The following FAM110A variants were observed in gnomAD, a reference collection of about 807,000 sequenced individuals.
FAM110A encodes the protein family with sequence similarity 110 member A.
A neutral mutation model predicts 4.0 loss-of-function variants in FAM110A; 1 was observed. That is an observed-to-expected ratio of 0.25 (90% CI 0.09 to 1.20). The LOEUF is 1.20. FAM110A is among the 50% of genes most tolerant of loss of function. FAM110A has a pLI of 0.50. For synonymous variants in FAM110A, 217 were observed against 196.8 expected (o/e 1.10, Z -0.86); for missense variants, 436 against 429.2 (o/e 1.02, Z -0.14).
intron 1 of FAM110A, among the ~76,000 whole-genome samples, chr20:841,003 A>T (rs1412910802): frequency 1.3e-5 from 2 of 152,090 alleles, no homozygotes; most frequent in African/African-American, 2.4e-5. Flanking sequence ...GTCCATCTCT[A>T]AGGTGGGTGC....
chr20:835,194 CTCTCTCTATA>C (rs759062704), intron 1 of FAM110A, among the ~76,000 whole-genome samples: 4 of 124,254 alleles, frequency 3.2e-5, no homozygotes, highest in Non-Finnish European at 6.9e-5. Flanking sequence ...CTCTCTCTCT[CTCTCTCTATA>C]TATATATATA....
intron 1 of FAM110A, among the ~76,000 whole-genome samples, chr20:839,070 G>C (rs1336543137): frequency 6.6e-6 from 1 of 152,106 alleles, no homozygotes; most frequent in Non-Finnish European, 1.5e-5. Flanking sequence ...TTCTCCCTCT[G>C]GGGTCCAGCC....
Position 844,841 on chromosome 20 carries a change from G to T in FAM110A, c.37G>T (p.Ala13Ser), listed in dbSNP as rs563377275. ...VHTLSPGAPS[A>S]PALPCRLRTR... is the part of the protein sequence containing the mutation. Reference sequence around the variant, plus strand: ...CACGCTGAGCCCCGGAGCCCCGTCCGCCCCCGCCCTACCTTGCCGCCTGCG... The same window carrying T: ...CACGCTGAGCCCCGGAGCCCCGTCCTCCCCCGCCCTACCTTGCCGCCTGCG... The change falls in exon 2 of 2, where the codon GCC becomes TCC. Residue 13 changes from alanine (A) to serine (S), a missense_variant. Transcript: ENST00000381941. 8 of 1,520,346 alleles carry T rather than the reference G, an allele frequency of 5.3e-6. No homozygotes were observed. Among genetic ancestry groups the T allele is most frequent in the African/African-American group, 2.8e-5 (2 of 71,988 alleles). The allele number at this position is 1,520,346 out of a possible 1,614,324, so 94.2% of individuals were successfully genotyped here.
intron 1 of FAM110A, among the ~76,000 whole-genome samples, chr20:837,749 A>G (rs1449198006): frequency 1.3e-5 from 2 of 152,128 alleles, no homozygotes; most frequent in Non-Finnish European, 2.9e-5. Context: ...AGGTTTGTAT[A>G]TGGTGGCTTT....
intron 1 of FAM110A, among the ~76,000 whole-genome samples, chr20:838,346 A>T (rs895455794): frequency 8.5e-5 from 13 of 152,110 alleles, no homozygotes; most frequent in Non-Finnish European, 1.2e-4. Context: ...TTATACATTT[A>T]ATATATACCT....
chr20:843,037 A>G (rs1434744127), intron 1 of FAM110A, among the ~76,000 whole-genome samples: 1 of 152,080 alleles, frequency 6.6e-6, no homozygotes, highest in Non-Finnish European at 1.5e-5. Flanking sequence ...TTTTAGGGGG[A>G]TAGAGACAAC....
Position 845,481 on chromosome 20 carries a change from G to A in FAM110A, c.677G>A (p.Arg226Gln), listed in dbSNP as rs1372849599. Residue 226 changes from arginine (R) to glutamine (Q), a missense_variant, in exon 2 of 2, where the codon CGG (arginine) becomes CAG (glutamine). Transcript: ENST00000381941. ...GGGTTGGGTGTGGCCCACCTGGCAC[G>A]GGCCAGCTCGGATATCGTGTCCCTG... ...ARGLGVAHLA[R>Q]ASSDIVSLAG... The A allele has an allele frequency of 2.5e-6, 4 of 1,612,814 alleles. No homozygotes were observed. The highest frequency in any genetic ancestry group is 2.2e-5 in the East Asian group (1 of 44,838).
chr20:845,452 G>C lies in FAM110A; in HGVS notation c.648G>C (p.Ala216=). The C allele has an allele frequency of 6.2e-7, 1 of 1,613,642 alleles. No homozygotes were observed. Among genetic ancestry groups the C allele is most frequent in the Non-Finnish European group, 8.5e-7 (1 of 1,179,838 alleles). Residue 216 remains alanine, a synonymous_variant, in exon 2 of 2, where the codon GCG becomes GCC. Coordinates refer to ENST00000381941, the MANE Select transcript of FAM110A (RefSeq NM_001042353.3). ...FNFCGLDPEE[A]RGLGVAHLAR... ...TCTGCGGCCTGGACCCGGAGGAGGC[G>C]AGAGGGTTGGGTGTGGCCCACCTGG...
At chr20:842,754 G>C (rs1377766853) in intron 1 of FAM110A, among the ~76,000 whole-genome samples, 2 of 152,142 alleles carry the variant, frequency 1.3e-5, no homozygotes, top group African/African-American at 4.8e-5. Context: ...AGAATCTAGA[G>C]TTTTTATGTA....
intron 1 of FAM110A, chr20:839,864 C>T: frequency 1.2e-6 from 2 of 1,605,752 alleles, no homozygotes; most frequent in South Asian, 1.1e-5. Flanking sequence ...TGGGCACATT[C>T]TTGTCTGCCA....
intron 1 of FAM110A, among the ~76,000 whole-genome samples, chr20:838,926 G>A (rs1979723630): frequency 6.6e-6 from 1 of 151,488 alleles, no homozygotes; most frequent in Admixed American, 6.6e-5. Context: ...TTGTAAGGGA[G>A]CCACAGGAGG....
chr20:839,997 G>T, intron 1 of FAM110A: 2 of 1,154,724 alleles, frequency 1.7e-6, no homozygotes. Context: ...TGTAGGGTCC[G>T]GGGCTGGGGC....
At chr20:839,830 G>A (rs1979783101) in intron 1 of FAM110A, 1 of 1,603,370 alleles carries the variant, frequency 6.2e-7, no homozygotes, top group Non-Finnish European at 8.5e-7. Flanking sequence ...TTGAGAGACT[G>A]CATGGCCTTC....
rs756623152 is a variant in FAM110A at position 845,469 on chromosome 20, C to G, written c.665C>G (p.Ala222Gly). 6.2e-7 allele frequency: 1 copy of G among 1,613,208 alleles called. No individual in the cohort carries two copies. Among genetic ancestry groups the G allele is most frequent in the South Asian group, 1.1e-5 (1 of 91,004 alleles). Reference protein sequence around the residue: ...DPEEARGLGVAHLARASSDIV... With the variant: ...DPEEARGLGVGHLARASSDIV... The stretch of plus-strand genomic sequence containing the variant: ...GAGGAGGCGAGAGGGTTGGGTGTGG[C>G]CCACCTGGCACGGGCCAGCTCGGAT... Residue 222 changes from alanine (A) to glycine (G), a missense_variant, in exon 2 of 2, where the codon GCC becomes GGC. Coordinates refer to ENST00000381941, the MANE Select transcript of FAM110A (RefSeq NM_001042353.3).
At chr20:844,632 T>A in intron 1 of FAM110A, 76 bp from the exon 2 acceptor site, 1 of 1,076,772 alleles carries the variant, frequency 9.3e-7, no homozygotes, top group Non-Finnish European at 1.2e-6. Context: ...GGGCGTCTTA[T>A]CCTCTCAGCC....
intron 1 of FAM110A, chr20:841,360 G>A (rs1979895345): frequency 6.6e-6 from 1 of 152,528 alleles, no homozygotes; most frequent in Non-Finnish European, 1.5e-5. Flanking sequence ...GGGGTAGGGG[G>A]CGGCCCGAGC....
In FAM110A at chr20:845,582, G is replaced by T. The variant is rs1213567847; in HGVS notation, c.778G>T (p.Ala260Ser). Residue 260 changes from alanine (A) to serine (S), a missense_variant, in exon 2 of 2, where the codon GCC becomes TCC. Ala to Ser is a moderately conservative substitution (Grantham distance 99). Transcript: ENST00000381941. ...RRSSVTVEER[A>S]RERVPYGVSV... ...CAGCTCGGTGACTGTTGAGGAGCGG[G>T]CCCGGGAGCGCGTTCCCTATGGCGT... 6.2e-7 allele frequency: 1 copy of T among 1,613,840 alleles called. No homozygotes were observed. Among genetic ancestry groups the T allele is most frequent in the Non-Finnish European group, 8.5e-7 (1 of 1,179,998 alleles).
Position 845,925 on chromosome 20 carries a change from A to C in FAM110A, c.*233A>C. 3 of 806,572 alleles carry C rather than the reference A, an allele frequency of 3.7e-6. No individual in the cohort carries two copies. Among genetic ancestry groups the C allele is most frequent in the East Asian group, 3.0e-5 (1 of 33,378 alleles). 50.0% of individuals were successfully genotyped at this position (806,572 alleles called of 1,614,324 possible). On this transcript the variant is annotated 3_prime_UTR_variant, in exon 2 of 2. Transcript: ENST00000381941. ...GAGAACCCCCTCCTCCCCTCCCCCAATACAAGGTTTTTGACATGAGTGTAC... is the reference window on the plus strand; with the variant it reads ...GAGAACCCCCTCCTCCCCTCCCCCACTACAAGGTTTTTGACATGAGTGTAC...
chr20:837,469 A>T (rs6055237), intron 1 of FAM110A, among the ~76,000 whole-genome samples: 3 of 152,268 alleles, frequency 2.0e-5, no homozygotes, highest in African/African-American at 7.2e-5. Context: ...TGGATGATCT[A>T]TTTGGTTGAA....
Sources: gnomAD v4.1 joint callset for allele counts (sites outside exome capture counted in the v4.1 genomes callset) on GRCh38, gnomAD v4.1.1 for gene constraint, MANE v1.5 for transcripts, NCBI Gene and HGNC (gene_info 2026-07-23, HGNC 2026-07-21) for gene names.